Variants in ANGPT2 observed in about 807,000 individuals in gnomAD.
ANGPT2 encodes angiopoietin-2.
ANGPT2 carries 28 observed loss-of-function variants against 62.9 expected under a neutral mutation model. The ratio of observed to expected loss-of-function variants is 0.44; its 90% confidence interval spans 0.33 to 0.61. ANGPT2 has a LOEUF of 0.61. Ranked by LOEUF, ANGPT2 falls within the 20% of genes least tolerant of loss-of-function variation. The pLI is 0.03. For missense variants in ANGPT2, 727 were observed against 594.9 expected, an observed-to-expected ratio of 1.22 and a Z score of -2.31; for synonymous variants, 284 against 207.8, an observed-to-expected ratio of 1.37 and a Z score of -3.15.
At chr8:6,551,145 T>A (rs980376816) in intron 1 of ANGPT2, among the ~76,000 whole-genome samples, 2 of 152,228 alleles carry the variant, frequency 1.3e-5, no homozygotes, top group Non-Finnish European at 2.9e-5. Context: ...TCTGTGCTGA[T>A]GCTGACTTAG....
intron 1 of ANGPT2, among the ~76,000 whole-genome samples, chr8:6,555,348 G>A (rs3020230): frequency 0.13 from 20,060 of 152,010 alleles, 3,646 homozygotes; most frequent in African/African-American, 0.41. Flanking sequence ...GAAATCCAGC[G>A]TTTCCCCCTG....
Position 6,514,667 on chromosome 8 carries a change from A to G in ANGPT2, c.1029+10T>C, listed in dbSNP as rs770598409. Reference sequence around the variant, plus strand: ...AAATTCTTTTCTGATGCCTTAAAGAATGTCCTTACCACTTTATATTCTTTC... The same window carrying G: ...AAATTCTTTTCTGATGCCTTAAAGAGTGTCCTTACCACTTTATATTCTTTC... On this transcript the variant is annotated intron_variant, in intron 6 of 8. Coordinates refer to ENST00000629816, the MANE Select transcript of ANGPT2 (RefSeq NM_001118887.2). 6.2e-7 allele frequency: 1 copy of G among 1,612,136 alleles called. No individual in the cohort carries two copies. Among genetic ancestry groups the G allele is most frequent in the African/African-American group, 1.3e-5 (1 of 75,000 alleles).
At chr8:6,513,920 C>G in intron 6 of ANGPT2, 76 bp from the exon 7 acceptor site, 1 of 1,336,366 alleles carries the variant, frequency 7.5e-7, no homozygotes, top group Non-Finnish European at 1.0e-6. Context: ...AGTCCGTCAA[C>G]TTAACATAGA....
At chr8:6,549,116 C>A (rs1377510825) in intron 1 of ANGPT2, among the ~76,000 whole-genome samples, 1 of 152,142 alleles carries the variant, frequency 6.6e-6, no homozygotes, top group African/African-American at 2.4e-5. Flanking sequence ...TCAGTCAGTC[C>A]AACTCCACAG....
chr8:6,502,958 A>T lies in ANGPT2; in HGVS notation c.*143T>A. ...TAAGTGATAAAGTTTACAGGCTCTA[A>T]TCTGGAGCATGTGGGTCCCGTCAGC... On this transcript the variant is annotated 3_prime_UTR_variant, in exon 9 of 9. Transcript: ENST00000629816. The T allele has an allele frequency of 1.1e-6, 1 of 907,624 alleles. No individual in the cohort carries two copies. 56.2% of individuals were successfully genotyped at this position (907,624 alleles called of 1,614,324 possible).
chr8:6,537,841 G>A (rs1194788834), intron 1 of ANGPT2, among the ~76,000 whole-genome samples: 3 of 152,096 alleles, frequency 2.0e-5, no homozygotes, highest in East Asian at 1.9e-4. Flanking sequence ...TGGAGATTCT[G>A]ATGTTGATTT....
intron 7 of ANGPT2, among the ~76,000 whole-genome samples, chr8:6,510,874 C>T (rs955451426): frequency 6.6e-6 from 1 of 152,208 alleles, no homozygotes; most frequent in Non-Finnish European, 1.5e-5. Flanking sequence ...ACATGTGAGT[C>T]TCAGTATTTT....
intron 1 of ANGPT2, among the ~76,000 whole-genome samples, chr8:6,547,234 A>C (rs969662636): frequency 1.3e-5 from 2 of 152,118 alleles, no homozygotes; most frequent in Non-Finnish European, 2.9e-5. Context: ...ATTTACTTGC[A>C]TGCCACAGCA....
intron 8 of ANGPT2, among the ~76,000 whole-genome samples, chr8:6,506,576 G>T (rs1269562624): frequency 6.6e-6 from 1 of 152,206 alleles, no homozygotes; most frequent in Non-Finnish European, 1.5e-5. Flanking sequence ...AGGAAACAAA[G>T]TCCTAGGTGT....
chr8:6,544,774 G>T (rs139071651), intron 1 of ANGPT2, among the ~76,000 whole-genome samples: 35 of 152,260 alleles, frequency 2.3e-4, no homozygotes, highest in African/African-American at 7.7e-4. Context: ...TGCCATAAAA[G>T]AGCCTCCCTT....
At chr8:6,522,779 A>C (rs1175294645) in intron 3 of ANGPT2, among the ~76,000 whole-genome samples, 2 of 151,994 alleles carry the variant, frequency 1.3e-5, no homozygotes, top group Non-Finnish European at 2.9e-5. Flanking sequence ...GTCTCAAAAA[A>C]AAAAAAGAAA....
At chr8:6,536,974 A>G (rs1376076935) in intron 1 of ANGPT2, among the ~76,000 whole-genome samples, 73 of 143,220 alleles carry the variant, frequency 5.1e-4, no homozygotes, top group East Asian at 1.2e-3. Flanking sequence ...TAGTACAAGA[A>G]AAAAAAAAAA....
intron 1 of ANGPT2, among the ~76,000 whole-genome samples, chr8:6,533,325 A>G (rs1050582531): frequency 2.6e-5 from 4 of 152,222 alleles, no homozygotes; most frequent in African/African-American, 7.2e-5. Context: ...GTAAAATTAC[A>G]TGATTATGTA....
chr8:6,524,390 G>C (rs192941913), intron 3 of ANGPT2, among the ~76,000 whole-genome samples: 3 of 152,210 alleles, frequency 2.0e-5, no homozygotes, highest in Admixed American at 1.3e-4. Context: ...GAAGAGCAGA[G>C]AAACATTATT....
intron 1 of ANGPT2, 95 bp downstream of exon 1, chr8:6,562,552 C>CTTCTTTTTTTTTTTTTT (rs1825700604): frequency 4.2e-5 from 3 of 71,754 alleles, no homozygotes; most frequent in African/African-American, 1.9e-4. Context: ...CATCCTCCTT[C>CTTCTTTTTTTTTTTTTT]TTTTTTTTTT....
intron 1 of ANGPT2, among the ~76,000 whole-genome samples, chr8:6,561,600 C>T (rs894179217): frequency 1.3e-5 from 2 of 152,216 alleles, no homozygotes; most frequent in Admixed American, 6.5e-5. Flanking sequence ...AAAGACTTTA[C>T]ATAGCTTTAG....
chr8:6,549,608 G>A (rs1823253619), intron 1 of ANGPT2, among the ~76,000 whole-genome samples: 1 of 152,016 alleles, frequency 6.6e-6, no homozygotes, highest in Non-Finnish European at 1.5e-5. Context: ...CTTGAGTTGG[G>A]CGGTCGTTAC....
In ANGPT2 at chr8:6,520,029, C is replaced by A; in HGVS notation, c.800-38G>T. On this transcript the variant is annotated intron_variant, in intron 4 of 8. Transcript: ENST00000629816. ...AATAGTAAGGCATTTAAACGGAGTT[C>A]ATGAAAAGACAAAGACTTGTTATTT... 4.4e-6 allele frequency: 7 copies of A among 1,605,982 alleles called. No homozygotes were observed. The South Asian group carries it at 6.7e-5, about 15-fold the overall frequency.
At chr8:6,554,870 T>C (rs2129575229) in intron 1 of ANGPT2, among the ~76,000 whole-genome samples, 1 of 152,272 alleles carries the variant, frequency 6.6e-6, no homozygotes, top group East Asian at 1.9e-4. Flanking sequence ...TCTCAGGAGT[T>C]TTTTAATAGG....
Sources: gnomAD v4.1 joint callset for allele counts (sites outside exome capture counted in the v4.1 genomes callset) on GRCh38, gnomAD v4.1.1 for gene constraint, MANE v1.5 for transcripts, NCBI Gene and HGNC (gene_info 2026-07-23, HGNC 2026-07-21) for gene names.